AHCYL2: variants seen among roughly 807,000 people sequenced by gnomAD.
AHCYL2 encodes the protein adenosylhomocysteinase like 2, also known as S-adenosylhomocysteine hydrolase-like protein 2.
A neutral mutation model predicts 81.4 loss-of-function variants in AHCYL2; 28 were observed. That is an observed-to-expected ratio of 0.34 (90% CI 0.25 to 0.47). The LOEUF is 0.47. Ranked by LOEUF, AHCYL2 falls within the 20% of genes least tolerant of loss-of-function variation. The pLI, the probability that AHCYL2 is intolerant of heterozygous loss-of-function variation, is 1.00. For missense variants in AHCYL2, 551 were observed against 785.1 expected (o/e 0.70, Z 3.56); for synonymous variants, 272 against 290.2 (o/e 0.94, Z 0.64).
At chr7:129,265,922 G>C (rs1301158862) in intron 1 of AHCYL2, among the ~76,000 whole-genome samples, 1 of 152,038 alleles carries the variant, frequency 6.6e-6, no homozygotes, top group Non-Finnish European at 1.5e-5. Flanking sequence ...ATATATAGTA[G>C]AGCAAAAAAG....
At chr7:129,400,094 G>A (rs1316398740) in intron 5 of AHCYL2, among the ~76,000 whole-genome samples, 196 bp from the exon 6 acceptor site, 1 of 152,052 alleles carries the variant, frequency 6.6e-6, no homozygotes, top group Non-Finnish European at 1.5e-5. Context: ...GGGCTAATAA[G>A]AGCAGAATGA....
chr7:129,325,164 C>T (rs1798176053), intron 1 of AHCYL2, among the ~76,000 whole-genome samples: 1 of 122,588 alleles, frequency 8.2e-6, no homozygotes, highest in Admixed American at 8.1e-5. Flanking sequence ...TATAATTTTC[C>T]TTGTGCCTGA....
At chr7:129,411,692 G>A (rs1472080982) in intron 11 of AHCYL2, among the ~76,000 whole-genome samples, 1 of 151,194 alleles carries the variant, frequency 6.6e-6, no homozygotes, top group Non-Finnish European at 1.5e-5. Flanking sequence ...CTGGAAGGTG[G>A]AGGTTGCAGT....
At chr7:129,369,718 A>C (rs1794288645) in intron 1 of AHCYL2, among the ~76,000 whole-genome samples, 1 of 151,732 alleles carries the variant, frequency 6.6e-6, no homozygotes, top group Non-Finnish European at 1.5e-5. Context: ...ATACCGGGTA[A>C]TTTTTGTATT....
intron 1 of AHCYL2, among the ~76,000 whole-genome samples, chr7:129,266,947 A>C (rs941026804): frequency 1.3e-5 from 2 of 152,320 alleles, no homozygotes; most frequent in African/African-American, 4.8e-5. Flanking sequence ...AGAAAATGTC[A>C]GATAAATTTT....
chr7:129,269,185 C>T (rs192170311), intron 1 of AHCYL2, among the ~76,000 whole-genome samples: 92 of 146,832 alleles, frequency 6.3e-4, no homozygotes, highest in African/African-American at 1.1e-3. Flanking sequence ...TGGTGTGGCA[C>T]GATGATGGCC....
rs117273858 is a variant in AHCYL2, at chr7:129,415,363, T to C, written c.1461+1675T>C. Among the ~76,000 whole-genome samples, 881 of 152,316 alleles carry C rather than the reference T, an allele frequency of 5.8e-3. 7 individuals carry two copies. The highest frequency in any genetic ancestry group is 0.011 in the Non-Finnish European group (749 of 68,034). ...TTTCCTTCCTAAACCCTCAAGAAGCTCTGAAATAAAAATAATTCCAAATGC... is the reference window on the plus strand; with the variant it reads ...TTTCCTTCCTAAACCCTCAAGAAGCCCTGAAATAAAAATAATTCCAAATGC... On this transcript the variant is annotated intron_variant, in intron 12 of 16. Coordinates refer to ENST00000325006, the MANE Select transcript of AHCYL2 (RefSeq NM_015328.4).
intron 1 of AHCYL2, among the ~76,000 whole-genome samples, chr7:129,263,975 C>T (rs1795729029): frequency 6.6e-6 from 1 of 152,068 alleles, no homozygotes. Context: ...TGCCATTCAC[C>T]AACATAAGGG....
intron 2 of AHCYL2, among the ~76,000 whole-genome samples, chr7:129,386,556 A>G (rs969179633): frequency 6.6e-6 from 1 of 152,218 alleles, no homozygotes; most frequent in Non-Finnish European, 1.5e-5. Context: ...TCCTGTTAAG[A>G]AAGTAAAACA....
chr7:129,234,037 C>T lies in AHCYL2; in HGVS notation c.363+8598C>T, dbSNP rs1487181822. 2.0e-5 allele frequency among the ~76,000 whole-genome samples: 3 copies of T among 151,720 alleles called. No homozygotes were observed. The East Asian group carries it at 5.8e-4, about 30-fold the overall frequency. On this transcript the variant is annotated intron_variant, in intron 1 of 16. Coordinates refer to ENST00000325006, the MANE Select transcript of AHCYL2 (RefSeq NM_015328.4). Reference sequence around the variant, plus strand: ...TTCTTTTTCTATCTTTCTTCTCTCTCTTTCTCTTTGTTTTCATTCATTTTT... The same window carrying T: ...TTCTTTTTCTATCTTTCTTCTCTCTTTTTCTCTTTGTTTTCATTCATTTTT...
At chr7:129,275,099 A>G (rs1383962348) in intron 1 of AHCYL2, among the ~76,000 whole-genome samples, 1 of 152,172 alleles carries the variant, frequency 6.6e-6, no homozygotes, top group African/African-American at 2.4e-5. Context: ...TAACTGGAAC[A>G]TGGCCAGGCG....
At chr7:129,386,238 G>A (rs190104929) in intron 2 of AHCYL2, among the ~76,000 whole-genome samples, 20 of 152,112 alleles carry the variant, frequency 1.3e-4, no homozygotes, top group African/African-American at 4.1e-4. Flanking sequence ...CAAGGTGGGC[G>A]GATCACCTGA....
At chr7:129,336,661 AG>A (rs1175306502) in intron 1 of AHCYL2, among the ~76,000 whole-genome samples, 1 of 152,204 alleles carries the variant, frequency 6.6e-6, no homozygotes, top group Non-Finnish European at 1.5e-5. Flanking sequence ...TTCCCCAAGC[AG>A]TGCAGGTGAG....
chr7:129,394,749 A>G (rs1036627742), intron 4 of AHCYL2, among the ~76,000 whole-genome samples: 18 of 152,104 alleles, frequency 1.2e-4, no homozygotes, highest in African/African-American at 4.1e-4. Context: ...CCCAGCCTGT[A>G]TTTGACTTTT....
intron 4 of AHCYL2, among the ~76,000 whole-genome samples, chr7:129,395,699 G>A (rs112745366): frequency 1.3e-3 from 194 of 151,942 alleles, no homozygotes; most frequent in Middle Eastern, 3.4e-3. Flanking sequence ...GAAGTGCCCA[G>A]GTTTCATGTC....
chr7:129,391,345 G>A (rs957148035), intron 4 of AHCYL2, among the ~76,000 whole-genome samples: 3 of 152,172 alleles, frequency 2.0e-5, no homozygotes, highest in African/African-American at 4.8e-5. Context: ...TTGCTAATTT[G>A]TAAAGTGGAA....
In AHCYL2 at chr7:129,342,434, T is replaced by C. The variant is rs376052730; in HGVS notation, c.364-37204T>C. Among the ~76,000 whole-genome samples, 5 of 152,160 alleles carry C rather than the reference T, an allele frequency of 3.3e-5. No homozygotes were observed. The East Asian group carries it at 7.7e-4, about 23-fold the overall frequency. On this transcript the variant is annotated intron_variant, in intron 1 of 16. Transcript: ENST00000325006. Reference sequence around the variant, plus strand: ...GACAATAATGAAGAGAGAGACCCTTTCCTTTAAAATAGGAATAAAGAAGCA... The same window carrying C: ...GACAATAATGAAGAGAGAGACCCTTCCCTTTAAAATAGGAATAAAGAAGCA...
rs1422708687 is a variant in AHCYL2, at chr7:129,405,078, T to G, written c.1026-19T>G. 2 of 1,544,252 alleles carry G rather than the reference T, an allele frequency of 1.3e-6. No individual in the cohort carries two copies. The highest frequency in any genetic ancestry group is 1.8e-6 in the Non-Finnish European group (2 of 1,140,608). The stretch of plus-strand genomic sequence containing the variant: ...GTAATGTCCTGGTGTTTTTTGTTCT[T>G]GGCTTCCCTCATCCTCAGGCTGTAC... On this transcript the variant is annotated intron_variant, in intron 7 of 16. Coordinates refer to ENST00000325006, the MANE Select transcript of AHCYL2 (RefSeq NM_015328.4).
intron 15 of AHCYL2, 70 bp downstream of exon 15, chr7:129,425,211 G>A (rs1797306017): frequency 4.9e-6 from 7 of 1,426,038 alleles, no homozygotes; most frequent in Non-Finnish European, 6.9e-6. Flanking sequence ...GGAAGTTTGG[G>A]GGCATTAACT....
Sources: allele counts gnomAD v4.1 joint callset (sites outside exome capture counted in the v4.1 genomes callset), GRCh38; gene constraint gnomAD v4.1.1; transcripts MANE v1.5; gene names NCBI Gene and HGNC (gene_info 2026-07-23, HGNC 2026-07-21).